Variants in SNX18 observed in about 807,000 individuals in gnomAD.
SNX18 encodes sorting nexin 18, also known as sorting nexin-18.
A neutral mutation model predicts 48.7 loss-of-function variants in SNX18; 35 were observed. The observed-to-expected ratio is 0.72, with a 90% CI of 0.55 to 0.95. The LOEUF (loss-of-function observed/expected upper bound fraction) is 0.95. Ranked by LOEUF, SNX18 falls within the 40% of genes least tolerant of loss-of-function variation. The pLI, the probability that SNX18 is intolerant of heterozygous loss-of-function variation, is 0.00. For synonymous variants in SNX18, 492 were observed against 384.7 expected, an observed-to-expected ratio of 1.28 and a Z score of -3.26; for missense variants, 824 against 871.0, an observed-to-expected ratio of 0.95 and a Z score of 0.68.
At chr5:54,615,444 G>A in the SNX18 span, among the ~76,000 whole-genome samples, 1 of 150,930 alleles carries the variant, frequency 6.6e-6, no homozygotes, top group African/African-American at 2.4e-5. Context: ...AATCCAGCTT[G>A]GGTCATCTCC....
the SNX18 span, among the ~76,000 whole-genome samples, chr5:54,588,622 C>A: frequency 3.3e-5 from 5 of 152,152 alleles, no homozygotes; most frequent in East Asian, 9.6e-4. Context: ...CCACCGCACC[C>A]AGCTCTTATT....
the SNX18 span, among the ~76,000 whole-genome samples, chr5:54,622,242 T>C: frequency 6.6e-6 from 1 of 152,220 alleles, no homozygotes; most frequent in African/African-American, 2.4e-5. Context: ...CTCACGCCAA[T>C]AATCCCAGCA....
At chr5:54,554,880 ACT>A in the SNX18 span, among the ~76,000 whole-genome samples, 1 of 151,940 alleles carries the variant, frequency 6.6e-6, no homozygotes, top group Non-Finnish European at 1.5e-5. Context: ...TAGTCCTGAG[ACT>A]CTGGGCAGAT....
the SNX18 span, among the ~76,000 whole-genome samples, chr5:54,606,625 G>T: frequency 6.6e-6 from 1 of 152,034 alleles, no homozygotes; most frequent in African/African-American, 2.4e-5. Context: ...AGCATTTTTC[G>T]ATTTGCAATT....
At chr5:54,620,737 T>C in the SNX18 span, among the ~76,000 whole-genome samples, 9 of 152,302 alleles carry the variant, frequency 5.9e-5, no homozygotes, top group African/African-American at 2.2e-4. Flanking sequence ...GAAATGTATT[T>C]CTCACAGCTC....
At chr5:54,623,581 A>C in the SNX18 span, among the ~76,000 whole-genome samples, 8 of 152,028 alleles carry the variant, frequency 5.3e-5, no homozygotes, top group Non-Finnish European at 1.2e-4. Context: ...TTACAGCTAC[A>C]AGAACTTACC....
chr5:54,613,658 CT>C, the SNX18 span, among the ~76,000 whole-genome samples: 1 of 152,138 alleles, frequency 6.6e-6, no homozygotes, highest in Non-Finnish European at 1.5e-5. Flanking sequence ...GTGTGAACTT[CT>C]TGTTTTAATC....
the SNX18 span, among the ~76,000 whole-genome samples, chr5:54,621,720 G>T: frequency 6.6e-3 from 1,003 of 152,306 alleles, 13 homozygotes; most frequent in African/African-American, 0.023. Context: ...AAGGGTTAAA[G>T]ATAGACCCCT....
chr5:54,625,165 G>A, the SNX18 span, among the ~76,000 whole-genome samples: 1 of 152,142 alleles, frequency 6.6e-6, no homozygotes, highest in Non-Finnish European at 1.5e-5. Flanking sequence ...GAGGGGAAGG[G>A]GGAAAGAGAC....
the SNX18 span, among the ~76,000 whole-genome samples, chr5:54,568,415 C>A: frequency 1.3e-5 from 2 of 152,200 alleles, no homozygotes; most frequent in Non-Finnish European, 2.9e-5. Flanking sequence ...TGCTCCCTGC[C>A]AGGCAAGGAT....
At chr5:54,592,586 C>T in the SNX18 span, among the ~76,000 whole-genome samples, 1 of 152,168 alleles carries the variant, frequency 6.6e-6, no homozygotes, top group Admixed American at 6.5e-5. Flanking sequence ...GGTCAGTCAA[C>T]AATTCAATCC....
the SNX18 span, among the ~76,000 whole-genome samples, chr5:54,614,091 G>A: frequency 6.6e-6 from 1 of 152,218 alleles, no homozygotes; most frequent in Non-Finnish European, 1.5e-5. Flanking sequence ...CAAAAGAAAT[G>A]TTTCTCCTGA....
chr5:54,632,834 C>T, the SNX18 span, among the ~76,000 whole-genome samples: 4 of 151,918 alleles, frequency 2.6e-5, no homozygotes, highest in South Asian at 4.1e-4. Context: ...AGTACAGTGG[C>T]GAAACCTTGC....
the SNX18 span, among the ~76,000 whole-genome samples, chr5:54,625,598 C>T: frequency 6.6e-6 from 1 of 152,140 alleles, no homozygotes; most frequent in Non-Finnish European, 1.5e-5. Flanking sequence ...CAGAGGGTGG[C>T]ATCCCATTGC....
chr5:54,542,804 AATG>A (rs1006841791), intron 1 of SNX18, among the ~76,000 whole-genome samples: 35 of 152,196 alleles, frequency 2.3e-4, no homozygotes, highest in African/African-American at 8.2e-4. Context: ...ATGTGGAAAT[AATG>A]ATGTCACACC....
chr5:54,582,000 C>G, the SNX18 span, among the ~76,000 whole-genome samples: 1 of 152,272 alleles, frequency 6.6e-6, no homozygotes, highest in East Asian at 1.9e-4. Flanking sequence ...AGAGTTTCAT[C>G]TGGAATATGA....
intron 1 of SNX18, among the ~76,000 whole-genome samples, chr5:54,527,475 G>T (rs975649225): frequency 6.6e-6 from 1 of 152,212 alleles, no homozygotes; most frequent in African/African-American, 2.4e-5. Flanking sequence ...AAGGGTGACT[G>T]TAATTTTGGC....
Position 54,538,643 on chromosome 5 carries a change from A to G in SNX18, c.1622-4536A>G, listed in dbSNP as rs563196040. Among the ~76,000 whole-genome samples, 444 of 152,380 alleles carry G rather than the reference A, an allele frequency of 2.9e-3. 1 individual carries two copies. Among genetic ancestry groups the G allele is most frequent in the African/African-American group, 0.01 (418 of 41,592 alleles). On this transcript the variant is annotated intron_variant, in intron 1 of 1. Coordinates refer to ENST00000381410, the MANE Select transcript of SNX18 (RefSeq NM_001102575.2). ...AGATGTATATATTTTAAAACTTTGC[A>G]AAGTATTTTATAAGAGTCAACTTTT...
chr5:54,605,072 G>A, the SNX18 span, among the ~76,000 whole-genome samples: 1 of 152,174 alleles, frequency 6.6e-6, no homozygotes, highest in African/African-American at 2.4e-5. Context: ...GTGAGGGGTG[G>A]TGAGTGATCA....
Sources: gnomAD v4.1 joint callset for allele counts (sites outside exome capture counted in the v4.1 genomes callset) on GRCh38, gnomAD v4.1.1 for gene constraint, MANE v1.5 for transcripts, NCBI Gene and HGNC (gene_info 2026-07-23, HGNC 2026-07-21) for gene names.